Variants in DKC1 observed in about 807,000 individuals in gnomAD.
DKC1 encodes dyskerin pseudouridine synthase 1, also known as H/ACA ribonucleoprotein complex subunit DKC1.
In DKC1, 4 loss-of-function variants were observed where a neutral mutation model predicts 46.7. That is an observed-to-expected ratio of 0.09 (90% CI 0.04 to 0.20). The LOEUF (loss-of-function observed/expected upper bound fraction) is 0.20. Ranked by LOEUF, DKC1 falls within the 10% of genes least tolerant of loss-of-function variation. The probability of loss-of-function intolerance (pLI) is 1.00; values close to 1 mark genes in which losing one functional copy is unlikely to be tolerated. For synonymous variants in DKC1, 141 were observed against 142.4 expected (o/e 0.99, Z 0.07); for missense variants, 171 against 404.2 (o/e 0.42, Z 4.95).
At chrX:154,767,182 G>A in intron 6 of DKC1, 74 bp from the exon 7 acceptor site, 3 of 1,201,150 alleles carry the variant, frequency 2.5e-6, no homozygotes, top group East Asian at 3.0e-5. Context: ...GTCGGCTGCT[G>A]CAGCCAGCCT....
At chrX:154,772,004 C>T (rs2071832383) in intron 10 of DKC1, among the ~76,000 whole-genome samples, 1 of 112,475 alleles carries the variant, frequency 8.9e-6, no homozygotes, top group South Asian at 3.6e-4. Flanking sequence ...TTCTCCACAT[C>T]CTTGCCAGCA....
In DKC1 at chrX:154,768,904, G is replaced by A. The variant is rs112858196; in HGVS notation, c.772-263G>A. The A allele has an allele frequency of 3.6e-5, 11 of 308,089 alleles. 1 individual carries two copies. The highest frequency in any genetic ancestry group is 5.7e-5 in the Admixed American group (1 of 17,533). The allele number at this position is 308,089 out of a possible 1,213,427, so 25.4% of individuals were successfully genotyped here. On this transcript the variant is annotated intron_variant, in intron 8 of 14. Transcript: ENST00000369550. ...CGGGAGGCTGAGGCAGGAGAATGGC[G>A]TGAACCCGGGAAGCGGAGCTTGCAG...
chrX:154,766,194 ATT>A lies in DKC1; in HGVS notation c.264-11_264-10del, dbSNP rs782278756. The A allele has an allele frequency of 1.3e-5, 12 of 908,669 alleles. No homozygotes were observed. The highest frequency in any genetic ancestry group is 1.4e-5 in the Non-Finnish European group (9 of 660,454). 74.9% of individuals were successfully genotyped at this position (908,669 alleles called of 1,213,427 possible). A position where few individuals can be genotyped will look rare whatever the true frequency, so the allele number is the denominator to read the frequency against. The stretch of plus-strand genomic sequence containing the variant: ...AGCATTAAGAGTGGGTGATACATTA[ATT>A]TTTTTTTTTTCCATTCCAGGACAGG... On this transcript the variant is annotated intron_variant, in intron 4 of 14. Coordinates refer to ENST00000369550, the MANE Select transcript of DKC1 (RefSeq NM_001363.5).
intron 11 of DKC1, among the ~76,000 whole-genome samples, chrX:154,774,387 G>A (rs1238625992): frequency 8.9e-5 from 10 of 111,789 alleles, no homozygotes; most frequent in African/African-American, 2.9e-4. Flanking sequence ...CGGTGGGGAC[G>A]TTATGTCTGC....
At position 154,776,785 on chromosome X, in the gene DKC1, CTCTT is replaced by C. The variant is rs782794150; in HGVS notation, c.1477-6_1477-3del. The C allele has an allele frequency of 8.3e-7, 1 of 1,200,617 alleles. No individual in the cohort carries two copies. The highest frequency in any genetic ancestry group is 1.1e-6 in the Non-Finnish European group (1 of 888,256). On this transcript the variant is annotated splice_polypyrimidine_tract_variant and intron_variant, in intron 14 of 14. Transcript: ENST00000369550. Reference sequence around the variant, plus strand: ...TGGATGGTATCTGTGAGCTTTCATTCTCTTTCTTTCTAGGACAGTGATACCACCA... The same window carrying C: ...TGGATGGTATCTGTGAGCTTTCATTCTCTTTCTAGGACAGTGATACCACCA...
Position 154,768,401 on chromosome X carries a change from G to A in DKC1, c.740G>A (p.Arg247Gln). ...GTTGGTGGTCAGATGCAGGAGCTTC[G>A]GAGGGTTCGTTCTGGAGTCATGAGT... is the stretch of plus-strand genomic sequence containing the variant. ...LGVGGQMQEL[R>Q]RVRSGVMSEK... The change falls in exon 8 of 15, where the codon CGG becomes CAG. Residue 247 changes from arginine to glutamine, a missense_variant. Physicochemically the swap from Arg to Gln is conservative, Grantham distance 43 (BLOSUM62 1). Transcript: ENST00000369550. 1 of 1,211,261 alleles carries A rather than the reference G, an allele frequency of 8.3e-7. No homozygotes were observed. The highest frequency in any genetic ancestry group is 1.1e-6 in the Non-Finnish European group (1 of 895,352).
chrX:154,775,139 A>G lies in DKC1; in HGVS notation c.1260-56A>G, dbSNP rs782647964. The G allele has an allele frequency of 3.8e-6, 4 of 1,063,987 alleles. No individual in the cohort carries two copies. The Admixed American group carries it at 8.7e-5, about 23-fold the overall frequency. The allele number at this position is 1,063,987 out of a possible 1,213,427, so 87.7% of individuals were successfully genotyped here. On this transcript the variant is annotated intron_variant, in intron 12 of 14. Transcript: ENST00000369550. Reference sequence around the variant, plus strand: ...TTGCCAGATAACACTACATAACATCAGTACTGCCCTGGAAAGCCATTCAGT... The same window carrying G: ...TTGCCAGATAACACTACATAACATCGGTACTGCCCTGGAAAGCCATTCAGT...
At chrX:154,766,839 C>T (rs781974801) in intron 5 of DKC1, among the ~76,000 whole-genome samples, 158 bp from the exon 6 acceptor site, 49 of 112,334 alleles carry the variant, frequency 4.4e-4, no homozygotes, top group South Asian at 1.1e-3. Context: ...TTTCCCACAT[C>T]ATCACCATGA....
intron 8 of DKC1, among the ~76,000 whole-genome samples, 174 bp from the exon 9 acceptor site, chrX:154,768,993 C>CAAAA (rs1158256142): frequency 6.1e-5 from 1 of 16,343 alleles, no homozygotes; most frequent in African/African-American, 1.6e-4. Context: ...GACTCCGTCT[C>CAAAA]AAAAAAAAAA....
intron 13 of DKC1, among the ~76,000 whole-genome samples, 182 bp from the exon 14 acceptor site, chrX:154,776,004 TG>T (rs1288744523): frequency 1.8e-5 from 2 of 112,115 alleles, no homozygotes. Flanking sequence ...TTCTTGGATT[TG>T]GGGGATGAGA....
intron 2 of DKC1, 56 bp from the exon 3 acceptor site, chrX:154,765,388 G>T: frequency 1.0e-6 from 1 of 975,721 alleles, no homozygotes; most frequent in South Asian, 1.9e-5. Flanking sequence ...GGCAGTAATG[G>T]AATTGTTCAA....
chrX:154,763,037 G>T (rs1030692144), intron 1 of DKC1, 56 bp downstream of exon 1: 5 of 1,142,725 alleles, frequency 4.4e-6, no homozygotes, highest in Middle Eastern at 2.4e-4. Flanking sequence ...GGGAACGGGG[G>T]TGGGGGGATG....
chrX:154,766,847 T>C, intron 5 of DKC1, 150 bp from the exon 6 acceptor site: 1 of 545,994 alleles, frequency 1.8e-6, no homozygotes, highest in Non-Finnish European at 3.2e-6. Context: ...ATCATCACCA[T>C]GAAATCTCTC....
Position 154,767,113 on chromosome X carries a change from C to T in DKC1, c.513+52C>T, listed in dbSNP as rs781931193. 4.2e-6 allele frequency: 5 copies of T among 1,179,853 alleles called. No homozygotes were observed. In the African/African-American group the frequency reaches 8.8e-5, roughly 21 times the overall value. On this transcript the variant is annotated intron_variant, in intron 6 of 14. Coordinates refer to ENST00000369550, the MANE Select transcript of DKC1 (RefSeq NM_001363.5). Reference sequence around the variant, plus strand: ...CCCTTTGTTGACTTGGATCTCTGAGCCCCTAAACATCTGGAGATGGGTTAG... The same window carrying T: ...CCCTTTGTTGACTTGGATCTCTGAGTCCCTAAACATCTGGAGATGGGTTAG...
intron 11 of DKC1, 51 bp downstream of exon 11, chrX:154,773,300 T>G: frequency 1.5e-6 from 1 of 654,256 alleles, no homozygotes. Context: ...TTTTTTTTTT[T>G]TTTTTTAAAT....
chrX:154,773,503 C>T (rs1404263866), intron 11 of DKC1, among the ~76,000 whole-genome samples: 2 of 108,676 alleles, frequency 1.8e-5, no homozygotes, highest in Non-Finnish European at 3.8e-5. Context: ...GGTGATGACT[C>T]TTAAGGAGCA....
chrX:154,762,970 C>G lies in DKC1; in HGVS notation c.5C>G (p.Ala2Gly). The G allele has an allele frequency of 8.5e-7, 1 of 1,182,125 alleles. No homozygotes were observed. Among genetic ancestry groups the G allele is most frequent in the Non-Finnish European group, 1.1e-6 (1 of 880,179 alleles). ...ACGCACGCGGTGCAGGGTAACATGG[C>G]GGATGCGGAAGGTAAGGGCTGCAGG... is the stretch of plus-strand genomic sequence containing the variant. M[A>G]DAEVIILPKK... The change falls in exon 1 of 15, where the codon GCG becomes GGG. Residue 2 changes from alanine to glycine, a missense_variant. Physicochemically the swap from Ala to Gly is moderately conservative, Grantham distance 60. Coordinates refer to ENST00000369550, the MANE Select transcript of DKC1 (RefSeq NM_001363.5).
At chrX:154,771,076 C>T (rs2071817739) in intron 10 of DKC1, among the ~76,000 whole-genome samples, 197 bp downstream of exon 10, 1 of 110,680 alleles carries the variant, frequency 9.0e-6, no homozygotes, top group Non-Finnish European at 1.9e-5. Flanking sequence ...TTATTTATCA[C>T]CTTAGTTATT....
At chrX:154,764,602 TAAA>T (rs1164471431) in intron 1 of DKC1, among the ~76,000 whole-genome samples, 5 of 111,815 alleles carry the variant, frequency 4.5e-5, no homozygotes, top group Non-Finnish European at 9.4e-5. Context: ...ATTTTTTTCT[TAAA>T]AAATTTTTTT....
Sources: gnomAD v4.1 joint callset for allele counts (sites outside exome capture counted in the v4.1 genomes callset) on GRCh38, gnomAD v4.1.1 for gene constraint, MANE v1.5 for transcripts, NCBI Gene and HGNC (gene_info 2026-07-23, HGNC 2026-07-21) for gene names.